ACTMAP: variants seen among roughly 807,000 people sequenced by gnomAD.
ACTMAP encodes the protein actin maturation protease.
At chr19:40,749,961 T>G in the ACTMAP span, 1 of 547,094 alleles carries the variant, frequency 1.8e-6, no homozygotes, top group South Asian at 3.9e-5. Context: ...GGGCTAATAT[T>G]TGAAACCACG....
the ACTMAP span, chr19:40,742,359 C>G: frequency 7.2e-7 from 1 of 1,380,226 alleles, no homozygotes; most frequent in South Asian, 1.5e-5. Context: ...TTGTCGCCAT[C>G]ACACAGTGGG....
chr19:40,748,376 T>TA, the ACTMAP span, among the ~76,000 whole-genome samples: 40 of 145,548 alleles, frequency 2.7e-4, no homozygotes, highest in Admixed American at 2.7e-4. Context: ...GAAACTCCAT[T>TA]AAAAAAAAAA....
At chr19:40,745,210 C>G in the ACTMAP span, 1 of 1,551,778 alleles carries the variant, frequency 6.4e-7, no homozygotes, top group South Asian at 1.2e-5. Context: ...TGAAGCAGAG[C>G]CGTGCTCAGT....
At chr19:40,741,532 T>A in the ACTMAP span, 1 of 356,796 alleles carries the variant, frequency 2.8e-6, no homozygotes, top group South Asian at 2.1e-5. Context: ...GGCCTGTTCC[T>A]CCTTCAGAGT....
At chr19:40,742,113 G>A in the ACTMAP span, 2 of 557,764 alleles carry the variant, frequency 3.6e-6, no homozygotes, top group African/African-American at 3.7e-5. Flanking sequence ...ACGCAGTTCA[G>A]TGTCCCTGTC....
chr19:40,748,288 C>T, the ACTMAP span, among the ~76,000 whole-genome samples: 1 of 151,920 alleles, frequency 6.6e-6, no homozygotes, highest in Non-Finnish European at 1.5e-5. Context: ...ACATGACAAA[C>T]CCTGTCTCTA....
the ACTMAP span, among the ~76,000 whole-genome samples, chr19:40,743,545 A>C: frequency 6.6e-6 from 1 of 152,012 alleles, no homozygotes; most frequent in Non-Finnish European, 1.5e-5. Flanking sequence ...GCCTTGTTCT[A>C]AGAGTGCTGA....
the ACTMAP span, among the ~76,000 whole-genome samples, chr19:40,745,699 T>C: frequency 9.2e-5 from 14 of 152,028 alleles, no homozygotes; most frequent in African/African-American, 3.1e-4. Flanking sequence ...TGAGACAGAG[T>C]TTTGCTCGTT....
At chr19:40,741,027 A>G in the ACTMAP span, 2 of 398,620 alleles carry the variant, frequency 5.0e-6, no homozygotes, top group African/African-American at 2.1e-5. Flanking sequence ...GTTACAATGC[A>G]GGGGACACAG....
At chr19:40,745,550 A>G in the ACTMAP span, among the ~76,000 whole-genome samples, 2 of 152,172 alleles carry the variant, frequency 1.3e-5, no homozygotes, top group Non-Finnish European at 2.9e-5. Context: ...CCAGGATGGA[A>G]TGCAATGATG....
At chr19:40,744,265 G>A in the ACTMAP span, 236 of 1,473,706 alleles carry the variant, frequency 1.6e-4, no homozygotes, top group Non-Finnish European at 2.7e-5. Flanking sequence ...GCTCACAGTG[G>A]GCGATGCTTC....
chr19:40,742,616 C>G, the ACTMAP span: 1 of 1,612,394 alleles, frequency 6.2e-7, no homozygotes, highest in African/African-American at 1.3e-5. Context: ...AACTCTTGCC[C>G]TGCTTGGACA....
the ACTMAP span, among the ~76,000 whole-genome samples, chr19:40,746,950 G>A: frequency 2.0e-5 from 3 of 152,104 alleles, no homozygotes; most frequent in Non-Finnish European, 4.4e-5. Flanking sequence ...AGAATTACAG[G>A]TGTGTGCCAC....
chr19:40,746,265 G>A, the ACTMAP span, among the ~76,000 whole-genome samples: 1 of 151,968 alleles, frequency 6.6e-6, no homozygotes, highest in Non-Finnish European at 1.5e-5. Flanking sequence ...TGTTGCTCCG[G>A]CTGGAGTGCA....
At chr19:40,744,254 G>T in the ACTMAP span, 9 of 1,483,842 alleles carry the variant, frequency 6.1e-6, no homozygotes, top group Non-Finnish European at 7.2e-6. Context: ...CCGTGCTGAG[G>T]GCTCACAGTG....
At chr19:40,750,317 C>G in the ACTMAP span, 3 of 152,248 alleles carry the variant, frequency 2.0e-5, no homozygotes, top group African/African-American at 7.2e-5. Context: ...TCAAAAAGGA[C>G]ACCTGGCAGG....
the ACTMAP span, chr19:40,749,403 A>G: frequency 1.4e-6 from 2 of 1,389,998 alleles, no homozygotes; most frequent in Admixed American, 5.2e-5. Flanking sequence ...AGGACACGGG[A>G]ACCCCCCCCC....
the ACTMAP span, chr19:40,744,549 C>T: frequency 6.2e-7 from 1 of 1,613,140 alleles, no homozygotes; most frequent in Non-Finnish European, 8.5e-7. Context: ...CATGCAGTCA[C>T]CCAGCTCACC....
the ACTMAP span, among the ~76,000 whole-genome samples, chr19:40,745,417 C>T: frequency 6.6e-6 from 1 of 152,214 alleles, no homozygotes; most frequent in Non-Finnish European, 1.5e-5. Flanking sequence ...CTGCCTGCTC[C>T]CTGCTCGCTC....
Sources: allele counts gnomAD v4.1 joint callset (sites outside exome capture counted in the v4.1 genomes callset), GRCh38; gene constraint gnomAD v4.1.1; transcripts MANE v1.5; gene names NCBI Gene and HGNC (gene_info 2026-07-23, HGNC 2026-07-21).